The following AMBRA1 variants were observed in gnomAD, a reference collection of about 807,000 sequenced individuals.
AMBRA1 encodes activating molecule in BECN1-regulated autophagy protein 1.
AMBRA1 carries 47 observed loss-of-function variants against 125.4 expected under a neutral mutation model. The ratio of observed to expected loss-of-function variants is 0.37; its 90% CI spans 0.30 to 0.48. The LOEUF (loss-of-function observed/expected upper bound fraction) is 0.48. Among genes scored for constraint, AMBRA1 ranks in the 20% least tolerant of loss-of-function variants. The probability of loss-of-function intolerance (pLI) is 0.99; values close to 1 mark genes in which losing one functional copy is unlikely to be tolerated. For synonymous variants in AMBRA1, 626 were observed against 655.5 expected (o/e 0.95, Z 0.69); for missense variants, 1,331 against 1,693.4 (o/e 0.79, Z 3.76).
At chr11:46,514,735 A>G (rs946901509) in intron 7 of AMBRA1, among the ~76,000 whole-genome samples, 1 of 151,950 alleles carries the variant, frequency 6.6e-6, no homozygotes, top group African/African-American at 2.4e-5. Context: ...TCGGCCTCCC[A>G]AAGTCCCAGG....
intron 1 of AMBRA1, among the ~76,000 whole-genome samples, chr11:46,589,342 A>G (rs1404643911): frequency 2.0e-5 from 3 of 152,246 alleles, no homozygotes; most frequent in Admixed American, 2.0e-4. Flanking sequence ...GACAGGCTGT[A>G]CCACAGCATT....
Position 46,465,873 on chromosome 11 carries a change from A to G in AMBRA1, c.2522-22275T>C, listed in dbSNP as rs1016389542. The stretch of plus-strand genomic sequence containing the variant: ...CTGTCCATGCTATATTCTATAAAAA[A>G]CAACTAGCATGCTGTGCCAACCAGC... On this transcript the variant is annotated intron_variant, in intron 11 of 17. Coordinates refer to ENST00000683756, the MANE Select transcript of AMBRA1 (RefSeq NM_001387011.1). 3.3e-5 allele frequency among the ~76,000 whole-genome samples: 5 copies of G among 152,242 alleles called. No homozygotes were observed. The South Asian group carries it at 6.2e-4, about 19-fold the overall frequency.
chr11:46,400,991 C>G (rs555410244), intron 17 of AMBRA1, among the ~76,000 whole-genome samples: 1 of 152,162 alleles, frequency 6.6e-6, no homozygotes, highest in Non-Finnish European at 1.5e-5. Context: ...GGTTTTAAAG[C>G]CTTCTAACAG....
At chr11:46,546,000 C>T (rs1203047108) in intron 4 of AMBRA1, 2 of 443,166 alleles carry the variant, frequency 4.5e-6, no homozygotes, top group East Asian at 8.6e-5. Context: ...TCACAATCTA[C>T]AAGCATTAAG....
chr11:46,481,476 G>C (rs1950066632), intron 11 of AMBRA1, among the ~76,000 whole-genome samples: 1 of 152,120 alleles, frequency 6.6e-6, no homozygotes, highest in South Asian at 2.1e-4. Context: ...TGATTCTCCT[G>C]CCTCAGCCTC....
chr11:46,543,091 C>T lies in AMBRA1; in HGVS notation c.926G>A (p.Cys309Tyr). Reference sequence around the variant, plus strand: ...AGTGCCAGAGCAGCGGCTGCAAAGGCACAGGATCCCAAGGTGCTGGCAGCA... The same window carrying T: ...AGTGCCAGAGCAGCGGCTGCAAAGGTACAGGATCCCAAGGTGCTGGCAGCA... ...AECCQHLGIL[C>Y]LCSRCSGTRV... Residue 309 changes from cysteine (C) to tyrosine (Y), a missense_variant, in exon 7 of 18, where the codon TGC becomes TAC. This residue lies in a region of AMBRA1 where 689 missense variants were observed against 776.5 expected (regional missense o/e 0.89). Coordinates refer to ENST00000683756, the MANE Select transcript of AMBRA1 (RefSeq NM_001387011.1). The T allele has an allele frequency of 6.3e-7, 1 of 1,589,028 alleles. No individual in the cohort carries two copies. The highest frequency in any genetic ancestry group is 1.1e-5 in the South Asian group (1 of 90,188).
Position 46,511,206 on chromosome 11 carries a change from T to C in AMBRA1, c.2159+1521A>G, listed in dbSNP as rs569640364. ...TGCAAGAACTTCTCTATCTCAGTGC[T>C]TCAAAGTAATTGATTCATATGAAAA... On this transcript the variant is annotated intron_variant, in intron 8 of 17. Transcript: ENST00000683756. 2.0e-5 allele frequency among the ~76,000 whole-genome samples: 3 copies of C among 152,336 alleles called. No homozygotes were observed. The South Asian group carries it at 6.2e-4, about 32-fold the overall frequency.
chr11:46,444,114 A>G (rs1948158335), intron 11 of AMBRA1, among the ~76,000 whole-genome samples: 1 of 152,230 alleles, frequency 6.6e-6, no homozygotes, highest in South Asian at 2.1e-4. Flanking sequence ...AGAGGCAGCT[A>G]CTATACAGCT....
intron 11 of AMBRA1, among the ~76,000 whole-genome samples, chr11:46,491,953 G>C (rs1174468544): frequency 6.6e-6 from 1 of 152,234 alleles, no homozygotes; most frequent in Non-Finnish European, 1.5e-5. Context: ...TCTGCCGGCA[G>C]TAGAGAAGCA....
intron 14 of AMBRA1, among the ~76,000 whole-genome samples, chr11:46,419,212 G>A (rs552577381): frequency 1.7e-4 from 26 of 152,184 alleles, no homozygotes; most frequent in East Asian, 3.9e-4. Context: ...TTTTCTGAGC[G>A]GCATATTTTC....
chr11:46,448,203 G>C (rs991883024), intron 11 of AMBRA1, among the ~76,000 whole-genome samples: 1 of 152,062 alleles, frequency 6.6e-6, no homozygotes, highest in Non-Finnish European at 1.5e-5. Flanking sequence ...ACCACCTTCT[G>C]GGCCACAAAA....
chr11:46,497,219 G>A (rs940276404), intron 9 of AMBRA1, among the ~76,000 whole-genome samples: 13 of 152,092 alleles, frequency 8.5e-5, no homozygotes, highest in Non-Finnish European at 1.3e-4. Context: ...AAAAACTGAT[G>A]GAAAAGAGAG....
intron 7 of AMBRA1, among the ~76,000 whole-genome samples, chr11:46,539,545 G>A (rs533340869): frequency 1.1e-4 from 17 of 152,094 alleles, no homozygotes; most frequent in Non-Finnish European, 1.8e-4. Flanking sequence ...CAACAAGAGC[G>A]AAACTCCATC....
At chr11:46,409,857 G>A (rs1020407205) in intron 16 of AMBRA1, among the ~76,000 whole-genome samples, 2 of 152,248 alleles carry the variant, frequency 1.3e-5, no homozygotes, top group African/African-American at 4.8e-5. Flanking sequence ...ATCAGTACCA[G>A]ATTTCTACTA....
chr11:46,400,296 T>C (rs1945676935), intron 17 of AMBRA1, among the ~76,000 whole-genome samples: 1 of 151,934 alleles, frequency 6.6e-6, no homozygotes, highest in African/African-American at 2.4e-5. Flanking sequence ...CAGCAGCTAT[T>C]TTTATGAGAC....
chr11:46,575,766 C>T (rs1052128822), intron 1 of AMBRA1, among the ~76,000 whole-genome samples: 9 of 152,230 alleles, frequency 5.9e-5, no homozygotes, highest in Admixed American at 1.3e-4. Context: ...CTGCCTGCCA[C>T]GGCATCCCAA....
intron 8 of AMBRA1, among the ~76,000 whole-genome samples, chr11:46,512,497 C>T (rs1951300445): frequency 6.6e-6 from 1 of 152,112 alleles, no homozygotes; most frequent in African/African-American, 2.4e-5. Flanking sequence ...ACCACACTTG[C>T]GGAAATGAGT....
intron 11 of AMBRA1, among the ~76,000 whole-genome samples, chr11:46,444,366 T>C (rs923442364): frequency 6.6e-6 from 1 of 152,208 alleles, no homozygotes; most frequent in African/African-American, 2.4e-5. Context: ...TTTTTTTCCT[T>C]GGTAACCAAT....
chr11:46,516,223 A>G (rs1371282849), intron 7 of AMBRA1, among the ~76,000 whole-genome samples: 1 of 152,114 alleles, frequency 6.6e-6, no homozygotes, highest in Non-Finnish European at 1.5e-5. Context: ...CTGCTAATGC[A>G]CAAAAGCAGG....
Sources: allele counts gnomAD v4.1 joint callset (sites outside exome capture counted in the v4.1 genomes callset), GRCh38; gene constraint gnomAD v4.1.1; regional missense constraint gnomAD v4.1.1; transcripts MANE v1.5; gene names NCBI Gene and HGNC (gene_info 2026-07-23, HGNC 2026-07-21).